Variants in NAXD observed in about 807,000 individuals in gnomAD.
The protein encoded by NAXD is NAD(P)HX dehydratase.
Under a neutral mutation model 35.8 loss-of-function variants are expected in NAXD, and 22 were observed. The ratio of observed to expected loss-of-function variants is 0.62; its 90% confidence interval spans 0.44 to 0.88. NAXD has a LOEUF of 0.88. Ranked by LOEUF, NAXD falls within the 40% of genes least tolerant of loss-of-function variation. NAXD has a pLI of 0.00. For missense variants in NAXD, 428 were observed against 437.7 expected, an observed-to-expected ratio of 0.98 and a Z score of 0.20; for synonymous variants, 189 against 177.6, an observed-to-expected ratio of 1.06 and a Z score of -0.51.
intron 3 of NAXD, 36 bp from the exon 4 acceptor site, chr13:110,625,154 C>A (rs778806946): frequency 1.3e-6 from 2 of 1,527,676 alleles, no homozygotes; most frequent in Non-Finnish European, 1.8e-6. Flanking sequence ...GATGCCGGAG[C>A]GATCCCTGAG....
chr13:110,634,411 C>T lies in NAXD; in HGVS notation c.442-134C>T, dbSNP rs576433151. 4 of 851,064 alleles carry T rather than the reference C, an allele frequency of 4.7e-6. No homozygotes were observed. The Admixed American group carries it at 6.0e-5, about 13-fold the overall frequency. 52.7% of individuals were successfully genotyped at this position (851,064 alleles called of 1,614,324 possible). A position where few individuals can be genotyped will look rare whatever the true frequency, so the allele number is the denominator to read the frequency against. On this transcript the variant is annotated intron_variant, in intron 5 of 9. Transcript: ENST00000680254. ...TTAAACCAACCCATGAGGACACTGCCACATCACCTTTTAAAGGCCCCACCT... is the reference window on the plus strand; with the variant it reads ...TTAAACCAACCCATGAGGACACTGCTACATCACCTTTTAAAGGCCCCACCT...
Position 110,622,286 on chromosome 13 carries a change from G to A in NAXD, c.117G>A (p.Val39=). 6.2e-7 allele frequency: 1 copy of A among 1,614,174 alleles called. No homozygotes were observed. Among genetic ancestry groups the A allele is most frequent in the Non-Finnish European group, 8.5e-7 (1 of 1,180,008 alleles). The stretch of plus-strand genomic sequence containing the variant: ...ATATGGAAAATACTTTGCAGCTGGT[G>A]AGAAATATCATACCTCCTCTGTCTT... ...IKDMENTLQL[V]RNIIPPLSST... The change falls in exon 2 of 10, where the codon GTG becomes GTA. Residue 39 remains valine, a synonymous_variant. Transcript: ENST00000680254.
intron 1 of NAXD, among the ~76,000 whole-genome samples, chr13:110,617,746 T>C (rs1248664270): frequency 1.3e-5 from 2 of 152,224 alleles, no homozygotes; most frequent in Admixed American, 6.5e-5. Flanking sequence ...GGTAAAATAG[T>C]GTCTTGTGGC....
At position 110,622,491 on chromosome 13, in the gene NAXD, ACT is replaced by A. The variant is rs578230978; in HGVS notation, c.197+127_197+128del. The stretch of plus-strand genomic sequence containing the variant: ...ATTTCCAAATGCAGCCTGATAGGAC[ACT>A]CAGTATTTTTCAGTGATCCACTTTT... On this transcript the variant is annotated intron_variant, in intron 2 of 9. Transcript: ENST00000680254. 592 of 921,920 alleles carry A rather than the reference ACT, an allele frequency of 6.4e-4. 2 individuals are homozygous for A. In the African/African-American group the frequency reaches 8.8e-3, roughly 14 times the overall value. The allele number at this position is 921,920 out of a possible 1,614,324, so 57.1% of individuals were successfully genotyped here. A position where few individuals can be genotyped will look rare whatever the true frequency, so the allele number is the denominator to read the frequency against.
chr13:110,619,387 GA>G (rs1405065101), intron 1 of NAXD, among the ~76,000 whole-genome samples: 1 of 152,092 alleles, frequency 6.6e-6, no homozygotes, highest in African/African-American at 2.4e-5. Context: ...CTTATTGTGA[GA>G]AATACACATT....
intron 5 of NAXD, among the ~76,000 whole-genome samples, chr13:110,629,210 C>G (rs1886616491): frequency 6.6e-6 from 1 of 152,180 alleles, no homozygotes; most frequent in South Asian, 2.1e-4. Flanking sequence ...ATTCATAGCC[C>G]CATTCTTCTG....
intron 5 of NAXD, among the ~76,000 whole-genome samples, chr13:110,633,041 C>G (rs1260555174): frequency 6.6e-6 from 1 of 152,206 alleles, no homozygotes; most frequent in Non-Finnish European, 1.5e-5. Context: ...ATTCCTCAGC[C>G]CTTGGGTGGT....
intron 8 of NAXD, 115 bp downstream of exon 8, chr13:110,635,703 C>A: frequency 8.3e-7 from 1 of 1,204,748 alleles, no homozygotes; most frequent in Non-Finnish European, 1.2e-6. Flanking sequence ...CACACATTCA[C>A]ACAGGGATTC....
chr13:110,617,787 G>A (rs1039212194), intron 1 of NAXD, among the ~76,000 whole-genome samples: 1 of 152,208 alleles, frequency 6.6e-6, no homozygotes, highest in Non-Finnish European at 1.5e-5. Flanking sequence ...CACAGCATCT[G>A]CACAGGTTTC....
intron 5 of NAXD, among the ~76,000 whole-genome samples, chr13:110,632,695 A>G (rs569755792): frequency 3.3e-5 from 5 of 151,780 alleles, no homozygotes; most frequent in Non-Finnish European, 7.4e-5. Flanking sequence ...TGATTGGTGT[A>G]TTTACAAACC....
In NAXD at chr13:110,628,504, G is replaced by A. The variant is rs1043748166; in HGVS notation, c.441+957G>A. Among the ~76,000 whole-genome samples the A allele has an allele frequency of 6.6e-6, 1 of 152,176 alleles. No homozygotes were observed. The highest frequency in any genetic ancestry group is 6.5e-5 in the Admixed American group (1 of 15,278). ...CAGCCATCTGCATGGCACTCTGTTG[G>A]GTGCTTAGTTAATGGAGGGGTCTCT... On this transcript the variant is annotated intron_variant, in intron 5 of 9. Coordinates refer to ENST00000680254, the MANE Select transcript of NAXD (RefSeq NM_001242882.2). This position sits in a 1 kb window ranked among gnomAD's most constrained non-coding sequence, Gnocchi z 4.1.
chr13:110,622,362 C>A lies in NAXD; in HGVS notation c.193C>A (p.Gln65Lys). 1 of 1,614,076 alleles carries A rather than the reference C, an allele frequency of 6.2e-7. No individual in the cohort carries two copies. Among genetic ancestry groups the A allele is most frequent in the Non-Finnish European group, 8.5e-7 (1 of 1,179,968 alleles). Residue 65 changes from glutamine to lysine, a missense_variant, in exon 2 of 10, where the codon CAG becomes AAG. By Grantham distance (53) the Gln-to-Lys change is moderately conservative. This residue lies in a region of NAXD where 208 missense variants were observed against 193.0 expected (regional missense o/e 1.08). Transcript: ENST00000680254. ...AAGAATAGGCGTAGTTGGAGGCTGT[C>A]AGGAGTAAGTAGCTGATGTGCAGTG... ...DGRIGVVGGC[Q>K]EYTGAPYFAA... is the part of the protein sequence containing the mutation.
At chr13:110,633,396 C>T (rs1030338079) in intron 5 of NAXD, among the ~76,000 whole-genome samples, 2 of 152,220 alleles carry the variant, frequency 1.3e-5, no homozygotes, top group Non-Finnish European at 2.9e-5. Flanking sequence ...AGCCCCAGTT[C>T]CCGCTCGCGC....
intron 5 of NAXD, among the ~76,000 whole-genome samples, chr13:110,630,670 G>C (rs1886665822): frequency 2.0e-5 from 3 of 152,118 alleles, no homozygotes; most frequent in Non-Finnish European, 4.4e-5. Context: ...CTTTAGCTCT[G>C]CGGTGCATGT....
chr13:110,637,522 A>G (rs1886977404), intron 9 of NAXD, among the ~76,000 whole-genome samples: 1 of 152,228 alleles, frequency 6.6e-6, no homozygotes, highest in South Asian at 2.1e-4. Context: ...AAGGCCCAGC[A>G]GCACGCTGTT....
At chr13:110,619,432 C>G (rs77917869) in intron 1 of NAXD, among the ~76,000 whole-genome samples, 4,677 of 152,144 alleles carry the variant, frequency 0.031, 199 homozygotes, top group South Asian at 0.092. Flanking sequence ...TTGTTTTCAT[C>G]AGGCAGGGTA....
chr13:110,637,433 C>T (rs536741459), intron 9 of NAXD, among the ~76,000 whole-genome samples, 184 bp downstream of exon 9: 1 of 152,152 alleles, frequency 6.6e-6, no homozygotes, highest in Non-Finnish European at 1.5e-5. Context: ...TGGGCCTGGG[C>T]CTGTCCATCA....
chr13:110,616,745 G>C lies in NAXD; in HGVS notation c.46+1098G>C, dbSNP rs545179487. Among the ~76,000 whole-genome samples, 26 of 152,292 alleles carry C rather than the reference G, an allele frequency of 1.7e-4. No individual in the cohort carries two copies. The South Asian group carries it at 5.4e-3, about 32-fold the overall frequency. ...GGAGAGATTGCTGTTATCCACCTTG[G>C]TATAGAAGATAAATAGAAGCTCAGA... is the stretch of plus-strand genomic sequence containing the variant. On this transcript the variant is annotated intron_variant, in intron 1 of 9. Coordinates refer to ENST00000680254, the MANE Select transcript of NAXD (RefSeq NM_001242882.2).
chr13:110,618,320 G>A (rs1045635543), intron 1 of NAXD, among the ~76,000 whole-genome samples: 1 of 152,148 alleles, frequency 6.6e-6, no homozygotes, highest in African/African-American at 2.4e-5. Flanking sequence ...GTAGCATCAT[G>A]GCCAGGGAAC....
Sources: gnomAD v4.1 joint callset for allele counts (sites outside exome capture counted in the v4.1 genomes callset) on GRCh38, gnomAD v4.1.1 for gene constraint, gnomAD v4.1.1 regional missense constraint, Gnocchi (gnomAD v3.1) non-coding constraint, MANE v1.5 for transcripts, NCBI Gene and HGNC (gene_info 2026-07-23, HGNC 2026-07-21) for gene names.